Variants in THEMIS observed in about 807,000 individuals in gnomAD.
THEMIS encodes thymocyte selection associated, also known as protein THEMIS.
In THEMIS, 37 loss-of-function variants were observed where a neutral mutation model predicts 52.6. The observed-to-expected ratio is 0.70, with a 90% CI of 0.54 to 0.93. The LOEUF is 0.93. Ranked by LOEUF, THEMIS falls within the 40% of genes least tolerant of loss-of-function variation. The probability of loss-of-function intolerance (pLI) is 0.00; values close to 1 mark genes in which losing one functional copy is unlikely to be tolerated. For synonymous variants in THEMIS, 292 were observed against 272.7 expected (o/e 1.07, Z -0.70); for missense variants, 808 against 763.1 (o/e 1.06, Z -0.69).
chr6:127,859,511 T>C (rs972890182), intron 1 of THEMIS, among the ~76,000 whole-genome samples: 2 of 152,162 alleles, frequency 1.3e-5, no homozygotes, highest in African/African-American at 4.8e-5. Flanking sequence ...ACTTATTAGA[T>C]GATTAGTGAA....
chr6:127,788,781 C>T (rs928092846), intron 4 of THEMIS, among the ~76,000 whole-genome samples: 1 of 152,134 alleles, frequency 6.6e-6, no homozygotes, highest in Non-Finnish European at 1.5e-5. Context: ...TAACCCCTCC[C>T]TACTCTCCAG....
chr6:127,860,082 T>C (rs1779744959), intron 1 of THEMIS, among the ~76,000 whole-genome samples: 1 of 152,032 alleles, frequency 6.6e-6, no homozygotes, highest in South Asian at 2.1e-4. Context: ...CAAATGAACC[T>C]CTAGATAGGC....
chr6:127,722,467 C>T (rs777512659), intron 4 of THEMIS, among the ~76,000 whole-genome samples: 11 of 151,978 alleles, frequency 7.2e-5, no homozygotes, highest in Non-Finnish European at 1.5e-4. Flanking sequence ...TTCCCTCTCC[C>T]CTTTCCTATT....
upstream of THEMIS, among the ~76,000 whole-genome samples, chr6:127,902,556 T>C (rs1781169761): frequency 1.3e-5 from 2 of 152,096 alleles, 1 homozygote; most frequent in South Asian, 4.1e-4. Context: ...AGTTTTGATA[T>C]GGAGCTTATA....
chr6:127,729,996 A>G (rs890955217), intron 4 of THEMIS, among the ~76,000 whole-genome samples: 2 of 152,144 alleles, frequency 1.3e-5, no homozygotes, highest in African/African-American at 2.4e-5. Flanking sequence ...CTGGCTGAGC[A>G]TGGTGGCTCA....
At chr6:127,701,620 G>A in the THEMIS span, among the ~76,000 whole-genome samples, 1 of 152,094 alleles carries the variant, frequency 6.6e-6, no homozygotes, top group Non-Finnish European at 1.5e-5. Flanking sequence ...GTGCCAAACA[G>A]TTTTCCAAAT....
rs534111666 is a variant in THEMIS at position 127,834,976 on chromosome 6, G to A, written c.251-5042C>T. Among the ~76,000 whole-genome samples, 56 of 152,288 alleles carry A rather than the reference G, an allele frequency of 3.7e-4. No individual in the cohort carries two copies. The Middle Eastern group carries it at 0.02, about 55-fold the overall frequency. The stretch of plus-strand genomic sequence containing the variant: ...ACTTTCTCTCTCCCAGGCAGCGAGA[G>A]TGAGTAATAGACCTACGATGAGGAG... On this transcript the variant is annotated intron_variant, in intron 2 of 5. Coordinates refer to ENST00000368248, the MANE Select transcript of THEMIS (RefSeq NM_001010923.3).
At chr6:127,704,347 C>T (rs1322308594), downstream of THEMIS, among the ~76,000 whole-genome samples, 1 of 152,134 alleles carries the variant, frequency 6.6e-6, no homozygotes, top group Non-Finnish European at 1.5e-5. Context: ...TCTGTGGTTA[C>T]AGCAAACTTG....
At position 127,829,640 on chromosome 6, in the gene THEMIS, T is replaced by C; in HGVS notation, c.545A>G (p.Tyr182Cys). The change falls in exon 3 of 6, where the codon TAC becomes TGC. Residue 182 changes from tyrosine to cysteine, a missense_variant. Coordinates refer to ENST00000368248, the MANE Select transcript of THEMIS (RefSeq NM_001010923.3). ...EFYECEDERIYTLKEIVEWKI... is the reference protein window; with the variant it reads ...EFYECEDERICTLKEIVEWKI... Reference sequence around the variant, plus strand: ...CCATTCAACAATCTCCTTTAGAGTGTAAATACGTTCATCTTCACACTCGTA... The same window carrying C: ...CCATTCAACAATCTCCTTTAGAGTGCAAATACGTTCATCTTCACACTCGTA... 6.2e-7 allele frequency: 1 copy of C among 1,614,092 alleles called. No individual in the cohort carries two copies. The highest frequency in any genetic ancestry group is 8.5e-7 in the Non-Finnish European group (1 of 1,179,994).
upstream of THEMIS, among the ~76,000 whole-genome samples, chr6:127,905,929 C>T (rs12663781): frequency 0.14 from 20,029 of 148,348 alleles, 1,741 homozygotes; most frequent in East Asian, 0.38. Flanking sequence ...CTCAATTATA[C>T]TCTTAAAATA....
chr6:127,875,470 T>C (rs1780287166), intron 1 of THEMIS, among the ~76,000 whole-genome samples: 3 of 152,140 alleles, frequency 2.0e-5, no homozygotes. Context: ...TTGTTGATAT[T>C]GGAAATGTGA....
chr6:127,697,636 A>G, the THEMIS span, among the ~76,000 whole-genome samples: 1 of 152,118 alleles, frequency 6.6e-6, no homozygotes, highest in African/African-American at 2.4e-5. Context: ...CCCACTGAAC[A>G]TGTCATGTAT....
chr6:127,832,775 A>ATTTTTTTTTT (rs1251377975), intron 2 of THEMIS, among the ~76,000 whole-genome samples: 5 of 54,020 alleles, frequency 9.3e-5, no homozygotes, highest in African/African-American at 1.9e-4. Context: ...GGATTGTCAG[A>ATTTTTTTTTT]TCTTTTTTTT....
At chr6:127,697,635 C>T in the THEMIS span, among the ~76,000 whole-genome samples, 4 of 152,164 alleles carry the variant, frequency 2.6e-5, no homozygotes, top group African/African-American at 9.7e-5. Flanking sequence ...TCCCACTGAA[C>T]ATGTCATGTA....
At chr6:127,703,140 C>A (rs377542484), downstream of THEMIS, among the ~76,000 whole-genome samples, 1 of 146,450 alleles carries the variant, frequency 6.8e-6, no homozygotes, top group African/African-American at 2.5e-5. Flanking sequence ...CTCCGCCTCC[C>A]GGGTTCACGC....
chr6:127,741,217 C>G (rs892099035), intron 4 of THEMIS, among the ~76,000 whole-genome samples: 1 of 152,158 alleles, frequency 6.6e-6, no homozygotes. Context: ...CTTACCATTT[C>G]CTTTAAACTT....
At chr6:127,723,241 G>T (rs1254929467) in intron 4 of THEMIS, among the ~76,000 whole-genome samples, 1 of 151,898 alleles carries the variant, frequency 6.6e-6, no homozygotes, top group African/African-American at 2.4e-5. Flanking sequence ...ATCCATTGCT[G>T]CTCAGAAACT....
At chr6:127,753,714 A>G (rs760147524) in intron 4 of THEMIS, among the ~76,000 whole-genome samples, 4 of 152,078 alleles carry the variant, frequency 2.6e-5, no homozygotes, top group Non-Finnish European at 5.9e-5. Flanking sequence ...TAGAATATAG[A>G]CTATAATAGA....
chr6:127,773,161 T>A (rs1438355754), intron 4 of THEMIS, among the ~76,000 whole-genome samples: 1 of 152,186 alleles, frequency 6.6e-6, no homozygotes, highest in Non-Finnish European at 1.5e-5. Flanking sequence ...CCCTGGAATG[T>A]ACTTCCTTGG....
Sources: gnomAD v4.1 joint callset for allele counts (sites outside exome capture counted in the v4.1 genomes callset) on GRCh38, gnomAD v4.1.1 for gene constraint, MANE v1.5 for transcripts, NCBI Gene and HGNC (gene_info 2026-07-23, HGNC 2026-07-21) for gene names.